The following SPOCK3 variants were observed in gnomAD, a reference collection of about 807,000 sequenced individuals.
SPOCK3 encodes the protein SPARC (osteonectin), cwcv and kazal like domains proteoglycan 3, also known as testican-3.
A neutral mutation model predicts 56.6 loss-of-function variants in SPOCK3; 30 were observed. The observed-to-expected ratio is 0.53, with a 90% CI of 0.40 to 0.72. SPOCK3 has a LOEUF of 0.72. SPOCK3 is among the 30% of genes least tolerant of loss of function. SPOCK3 has a pLI of 0.00. For missense variants in SPOCK3, 527 were observed against 530.0 expected (o/e 0.99, Z 0.06); for synonymous variants, 196 against 183.3 (o/e 1.07, Z -0.56).
chr4:167,059,807 G>C (rs930045690), intron 3 of SPOCK3, among the ~76,000 whole-genome samples: 5 of 152,136 alleles, frequency 3.3e-5, no homozygotes, highest in African/African-American at 1.2e-4. Context: ...ATACACCATG[G>C]AATACTATGC....
intron 2 of SPOCK3, among the ~76,000 whole-genome samples, chr4:167,168,164 T>C (rs1730164961): frequency 6.6e-6 from 1 of 152,192 alleles, no homozygotes; most frequent in Admixed American, 6.5e-5. Flanking sequence ...GTCTTGGGTA[T>C]GCCTTTACTA....
intron 2 of SPOCK3, among the ~76,000 whole-genome samples, chr4:167,114,539 G>T (rs140163055): frequency 0.012 from 1,847 of 152,156 alleles, 21 homozygotes; most frequent in Non-Finnish European, 0.018. Context: ...AGCAGTGCAG[G>T]TACAGAAAAA....
At chr4:167,180,409 C>A (rs535211656) in intron 2 of SPOCK3, among the ~76,000 whole-genome samples, 3 of 152,256 alleles carry the variant, frequency 2.0e-5, no homozygotes, top group Admixed American at 2.0e-4. Flanking sequence ...GGGACATCAC[C>A]ATGTGAGCAG....
intron 3 of SPOCK3, among the ~76,000 whole-genome samples, chr4:167,040,017 G>A (rs927696967): frequency 6.6e-6 from 1 of 152,064 alleles, no homozygotes; most frequent in Non-Finnish European, 1.5e-5. Context: ...TTTGCAGAAC[G>A]ACTAAGTTGT....
chr4:167,136,866 T>C (rs766516124), intron 2 of SPOCK3, among the ~76,000 whole-genome samples: 3 of 152,052 alleles, frequency 2.0e-5, no homozygotes, highest in Non-Finnish European at 4.4e-5. Context: ...TCATGAACCA[T>C]ATTAATGTTA....
chr4:166,752,833 T>G (rs1222270326), intron 8 of SPOCK3, among the ~76,000 whole-genome samples: 1 of 151,994 alleles, frequency 6.6e-6, no homozygotes, highest in Non-Finnish European at 1.5e-5. Context: ...TAATGAAATG[T>G]TGGCTAAGAG....
chr4:167,047,265 G>A (rs139705214), intron 3 of SPOCK3, among the ~76,000 whole-genome samples: 1 of 152,098 alleles, frequency 6.6e-6, no homozygotes, highest in African/African-American at 2.4e-5. Context: ...TTTAAAAATA[G>A]GGTAACTATA....
At chr4:167,179,237 T>C (rs1193801357) in intron 2 of SPOCK3, among the ~76,000 whole-genome samples, 1 of 152,196 alleles carries the variant, frequency 6.6e-6, no homozygotes, top group Non-Finnish European at 1.5e-5. Context: ...TTCTTCCTTA[T>C]TGGCCAACGT....
intron 3 of SPOCK3, among the ~76,000 whole-genome samples, chr4:167,058,958 C>G (rs972728797): frequency 3.9e-5 from 6 of 152,076 alleles, no homozygotes; most frequent in Admixed American, 3.9e-4. Context: ...ATGTAGAAAG[C>G]TGAAACTGGA....
intron 3 of SPOCK3, among the ~76,000 whole-genome samples, chr4:167,035,001 T>C (rs1015501410): frequency 6.6e-6 from 1 of 152,150 alleles, no homozygotes; most frequent in Non-Finnish European, 1.5e-5. Context: ...TGATAAAACA[T>C]ACATCTTTAT....
At chr4:166,986,106 G>A (rs1355622076) in intron 4 of SPOCK3, among the ~76,000 whole-genome samples, 1 of 152,066 alleles carries the variant, frequency 6.6e-6, no homozygotes, top group African/African-American at 2.4e-5. Context: ...AAAAAACAAA[G>A]TAAAATGCTG....
chr4:167,106,100 G>A (rs1760118730), intron 2 of SPOCK3, among the ~76,000 whole-genome samples: 1 of 151,850 alleles, frequency 6.6e-6, no homozygotes, highest in Non-Finnish European at 1.5e-5. Context: ...AGAAACATCA[G>A]ACTTAATCTG....
At chr4:166,939,169 G>C (rs1418897872) in intron 4 of SPOCK3, among the ~76,000 whole-genome samples, 1 of 152,092 alleles carries the variant, frequency 6.6e-6, no homozygotes, top group Non-Finnish European at 1.5e-5. Context: ...AGAAAGGATG[G>C]ATTTTAGTAA....
At chr4:166,856,278 G>A (rs904190502) in intron 6 of SPOCK3, among the ~76,000 whole-genome samples, 5 of 152,054 alleles carry the variant, frequency 3.3e-5, no homozygotes, top group Admixed American at 1.3e-4. Flanking sequence ...CTATTGCACA[G>A]CATGGTGACT....
intron 6 of SPOCK3, among the ~76,000 whole-genome samples, chr4:166,809,692 T>C (rs988930013): frequency 6.6e-6 from 1 of 152,050 alleles, no homozygotes; most frequent in Admixed American, 6.6e-5. Flanking sequence ...GATATAATAA[T>C]CAACTGACAT....
At chr4:166,786,486 T>C (rs907281163) in intron 7 of SPOCK3, among the ~76,000 whole-genome samples, 1 of 152,120 alleles carries the variant, frequency 6.6e-6, no homozygotes, top group Non-Finnish European at 1.5e-5. Context: ...GAGATTATGA[T>C]CCTGGATCAT....
chr4:166,906,758 T>G (rs914972457), intron 5 of SPOCK3, among the ~76,000 whole-genome samples: 1 of 151,986 alleles, frequency 6.6e-6, no homozygotes, highest in Non-Finnish European at 1.5e-5. Flanking sequence ...TTTTTAATTT[T>G]TTTTAGTGAT....
chr4:166,790,198 A>G (rs1296847004), intron 7 of SPOCK3, among the ~76,000 whole-genome samples: 3 of 152,176 alleles, frequency 2.0e-5, no homozygotes, highest in African/African-American at 7.2e-5. Flanking sequence ...CTCTTACTAC[A>G]TTGAGTTTAA....
intron 2 of SPOCK3, among the ~76,000 whole-genome samples, chr4:167,157,279 AT>A (rs1764893925): frequency 6.6e-6 from 1 of 152,118 alleles, no homozygotes; most frequent in Non-Finnish European, 1.5e-5. Context: ...AAGCTCTGAC[AT>A]GGTCTAAGTA....
Sources: gnomAD v4.1 joint callset for allele counts (sites outside exome capture counted in the v4.1 genomes callset) on GRCh38, gnomAD v4.1.1 for gene constraint, MANE v1.5 for transcripts, NCBI Gene and HGNC (gene_info 2026-07-23, HGNC 2026-07-21) for gene names.